SLC47A2: variants seen among roughly 807,000 people sequenced by gnomAD.
SLC47A2 encodes the protein multidrug and toxin extrusion protein 2.
SLC47A2 carries 52 observed loss-of-function variants against 67.7 expected under a neutral mutation model. The observed-to-expected ratio is 0.77, with a 90% CI of 0.61 to 0.97. The LOEUF is 0.97. Among genes scored for constraint, SLC47A2 ranks in the 50% least tolerant of loss-of-function variants. The probability of loss-of-function intolerance (pLI) is 0.00; values close to 1 mark genes in which losing one functional copy is unlikely to be tolerated. For missense variants in SLC47A2, 676 were observed against 712.3 expected (o/e 0.95, Z 0.58); for synonymous variants, 278 against 292.9 (o/e 0.95, Z 0.52).
At chr17:19,716,967 A>G (rs2086284012), upstream of SLC47A2, 1 of 167,764 alleles carries the variant, frequency 6.0e-6, no homozygotes, top group African/African-American at 2.4e-5. Flanking sequence ...GATGGTGCCC[A>G]CAGTGACTCC....
chr17:19,706,552 G>T, intron 9 of SLC47A2, 96 bp downstream of exon 9: 1 of 997,404 alleles, frequency 1.0e-6, no homozygotes, highest in Non-Finnish European at 1.5e-6. Context: ...TGGGGAGGGG[G>T]CTTCTGGGAT....
In SLC47A2 at chr17:19,706,760, A is replaced by G; in HGVS notation, c.729T>C (p.Gly243=). The part of the protein sequence containing the change: ...LKKLHLETWA[G]WSSQCLQDWG... ...AGTCCTGCAGGCACTGGCTGGACCA[A>G]CCTGGAAACAGAGGCCCCATGAGCT... The change falls in exon 9 of 17, where the codon GGT becomes GGC. Residue 243 remains glycine (G), a splice_region_variant and synonymous_variant. Coordinates refer to ENST00000433844, the MANE Select transcript of SLC47A2 (RefSeq NM_001099646.3). 6.2e-7 allele frequency: 1 copy of G among 1,602,692 alleles called. No homozygotes were observed. The highest frequency in any genetic ancestry group is 8.5e-7 in the Non-Finnish European group (1 of 1,176,888).
intron 8 of SLC47A2, 60 bp from the exon 9 acceptor site, chr17:19,706,821 C>T: frequency 1.5e-6 from 2 of 1,354,726 alleles, no homozygotes; most frequent in Non-Finnish European, 2.1e-6. Flanking sequence ...CATTCCTGCT[C>T]CCCACTGCCA....
intron 10 of SLC47A2, chr17:19,704,795 A>C: frequency 4.1e-6 from 3 of 725,806 alleles, no homozygotes; most frequent in Non-Finnish European, 6.5e-6. Context: ...GTGTGCAGGA[A>C]TGTGGCCTGC....
intron 8 of SLC47A2, 74 bp from the exon 9 acceptor site, chr17:19,706,835 G>T: frequency 1.6e-6 from 2 of 1,216,838 alleles, no homozygotes; most frequent in Non-Finnish European, 2.3e-6. Flanking sequence ...ACTGCCAGGA[G>T]GCCCCTAAAC....
At chr17:19,705,775 T>A (rs995362963) in intron 9 of SLC47A2, among the ~76,000 whole-genome samples, 1 of 152,124 alleles carries the variant, frequency 6.6e-6, no homozygotes, top group African/African-American at 2.4e-5. Flanking sequence ...TTTTTGTATT[T>A]TTTTGTAGAA....
chr17:19,714,890 GGCA>G (rs2086208140), intron 2 of SLC47A2, 101 bp from the exon 3 acceptor site: 2 of 1,513,168 alleles, frequency 1.3e-6, no homozygotes, highest in South Asian at 2.2e-5. Context: ...CTGCCCAGCA[GGCA>G]GCGGTGGCAG....
At chr17:19,679,821 A>G (rs770421741) in intron 16 of SLC47A2, 131 bp downstream of exon 16, 2 of 883,714 alleles carry the variant, frequency 2.3e-6, no homozygotes, top group Non-Finnish European at 1.7e-6. Flanking sequence ...CATCATTTTC[A>G]TAATAATGGG....
chr17:19,692,833 T>C (rs968572749), intron 13 of SLC47A2, among the ~76,000 whole-genome samples: 1 of 152,132 alleles, frequency 6.6e-6, no homozygotes, highest in African/African-American at 2.4e-5. Context: ...TACACCATGA[T>C]CAAGAGAGGT....
chr17:19,707,270 G>A (rs1271312813), intron 8 of SLC47A2, among the ~76,000 whole-genome samples: 1 of 152,176 alleles, frequency 6.6e-6, no homozygotes, highest in Non-Finnish European at 1.5e-5. Flanking sequence ...GTCCTTGTAT[G>A]GGATTGGCTC....
At chr17:19,680,080 A>C in intron 15 of SLC47A2, 41 bp from the exon 16 acceptor site, 59 of 1,592,164 alleles carry the variant, frequency 3.7e-5, no homozygotes, top group Non-Finnish European at 4.6e-5. Flanking sequence ...CTGCCAGCTC[A>C]ACAGTTCACC....
At chr17:19,707,683 C>T in intron 8 of SLC47A2, 63 bp downstream of exon 8, 4 of 1,457,292 alleles carry the variant, frequency 2.7e-6, no homozygotes, top group Non-Finnish European at 1.9e-6. Context: ...CCACCCTGCC[C>T]CAAGGCTAGG....
At chr17:19,702,741 A>C (rs2085819473) in intron 12 of SLC47A2, 67 bp from the exon 13 acceptor site, 1 of 1,521,750 alleles carries the variant, frequency 6.6e-7, no homozygotes, top group Non-Finnish European at 9.0e-7. Context: ...TATCCCTTCT[A>C]TTCCACACCC....
intron 13 of SLC47A2, among the ~76,000 whole-genome samples, chr17:19,697,823 G>A (rs956964719): frequency 1.3e-5 from 2 of 151,430 alleles, no homozygotes; most frequent in African/African-American, 2.4e-5. Flanking sequence ...TTGACCTCCC[G>A]GGCTCAAGCC....
In SLC47A2 at chr17:19,707,753, C is replaced by T. The variant is rs755182920; in HGVS notation, c.720G>A (p.Thr240=). The change falls in exon 8 of 17, where the codon ACG becomes ACA. Residue 240 remains threonine, a synonymous_variant. Transcript: ENST00000433844. ...YIVLKKLHLE[T]WAGWSSQCLQ... The stretch of plus-strand genomic sequence containing the variant: ...GCAGGCCAGGCCTCCCACCTGCCCA[C>T]GTCTCCAGGTGCAGCTTCTTCAGCA... 2 of 1,588,842 alleles carry T rather than the reference C, an allele frequency of 1.3e-6. No individual in the cohort carries two copies. The highest frequency in any genetic ancestry group is 1.8e-5 in the Admixed American group (1 of 56,384).
At chr17:19,714,659 G>T in intron 3 of SLC47A2, 62 bp downstream of exon 3, 1 of 1,593,436 alleles carries the variant, frequency 6.3e-7, no homozygotes. Context: ...CATCTCCATG[G>T]CACCTGTGGA....
chr17:19,700,891 T>G (rs1183596802), intron 13 of SLC47A2, among the ~76,000 whole-genome samples: 3 of 151,480 alleles, frequency 2.0e-5, no homozygotes, highest in Admixed American at 6.6e-5. Context: ...CCAGGCCAGG[T>G]GCGGTGGCTC....
intron 9 of SLC47A2, 26 bp from the exon 10 acceptor site, chr17:19,705,529 C>T (rs779642567): frequency 1.4e-5 from 23 of 1,601,130 alleles, no homozygotes; most frequent in East Asian, 6.8e-5. Context: ...GCCGTGAGTC[C>T]GGCCCGCAGC....
intron 13 of SLC47A2, among the ~76,000 whole-genome samples, chr17:19,700,985 T>C (rs993511739): frequency 6.6e-6 from 1 of 150,626 alleles, no homozygotes. Context: ...CTGGCCAACA[T>C]GGTGAAACCC....
Sources: gnomAD v4.1 joint callset for allele counts (sites outside exome capture counted in the v4.1 genomes callset) on GRCh38, gnomAD v4.1.1 for gene constraint, MANE v1.5 for transcripts, NCBI Gene and HGNC (gene_info 2026-07-23, HGNC 2026-07-21) for gene names.